APOLD1: variants seen among roughly 807,000 people sequenced by gnomAD.
The protein encoded by APOLD1 is apolipoprotein L domain-containing protein 1.
Under a neutral mutation model 15.3 loss-of-function variants are expected in APOLD1, and 22 were observed. The observed-to-expected ratio is 1.44, with a 90% CI of 1.03 to 2.05. The LOEUF (loss-of-function observed/expected upper bound fraction) is 2.05, where lower values mean the gene tolerates loss of function less well. APOLD1 is among the 30% of genes most tolerant of loss of function. The pLI, the probability that APOLD1 is intolerant of heterozygous loss-of-function variation, is 0.00. For missense variants in APOLD1, 394 were observed against 353.5 expected, an observed-to-expected ratio of 1.11 and a Z score of -0.92; for synonymous variants, 190 against 167.4, an observed-to-expected ratio of 1.13 and a Z score of -1.04.
intron 1 of APOLD1, chr12:12,771,636 T>G: frequency 2.0e-6 from 1 of 499,500 alleles, no homozygotes; most frequent in Non-Finnish European, 4.0e-6. Flanking sequence ...CTGCTTGCTA[T>G]TGTCAGAGTT....
At chr12:12,759,539 C>T (rs562521537) in intron 1 of APOLD1, among the ~76,000 whole-genome samples, 1 of 152,276 alleles carries the variant, frequency 6.6e-6, no homozygotes, top group South Asian at 2.1e-4. Context: ...TAAGGTTATG[C>T]AATAGATATC....
At chr12:12,753,664 C>T (rs1036282107) in intron 1 of APOLD1, among the ~76,000 whole-genome samples, 2 of 151,876 alleles carry the variant, frequency 1.3e-5, no homozygotes, top group African/African-American at 2.4e-5. Flanking sequence ...CAGAGTGAAA[C>T]CCTGCCTCAA....
chr12:12,779,563 C>T (rs556074537), intron 1 of APOLD1, among the ~76,000 whole-genome samples: 1 of 152,260 alleles, frequency 6.6e-6, no homozygotes, highest in South Asian at 2.1e-4. Flanking sequence ...GGTCATTCTC[C>T]TTGACTTGGT....
intron 1 of APOLD1, among the ~76,000 whole-genome samples, chr12:12,762,461 TCTC>T (rs1263848665): frequency 1.3e-5 from 2 of 151,782 alleles, no homozygotes; most frequent in Non-Finnish European, 2.9e-5. Context: ...TTCAAGCAAT[TCTC>T]CTGCCTCAGC....
At chr12:12,775,802 C>G (rs1453892106) in intron 1 of APOLD1, among the ~76,000 whole-genome samples, 1 of 151,904 alleles carries the variant, frequency 6.6e-6, no homozygotes, top group Non-Finnish European at 1.5e-5. Flanking sequence ...GAGTTCATGA[C>G]CAGCTTAGGC....
intron 1 of APOLD1, among the ~76,000 whole-genome samples, chr12:12,769,703 T>G (rs1684281681): frequency 6.6e-6 from 1 of 151,984 alleles, no homozygotes; most frequent in Admixed American, 6.6e-5. Flanking sequence ...CCTGCTGGGG[T>G]TTTATAACAG....
intron 1 of APOLD1, among the ~76,000 whole-genome samples, chr12:12,760,884 G>A (rs1946893589): frequency 6.6e-6 from 1 of 152,244 alleles, no homozygotes; most frequent in African/African-American, 2.4e-5. Flanking sequence ...GTACATAGTA[G>A]GATATACCAA....
intron 1 of APOLD1, among the ~76,000 whole-genome samples, chr12:12,748,107 G>T (rs1037663883): frequency 6.6e-6 from 1 of 152,168 alleles, no homozygotes; most frequent in Admixed American, 6.6e-5. Flanking sequence ...CTGATGCAAG[G>T]ATTCAATTAT....
intron 1 of APOLD1, among the ~76,000 whole-genome samples, chr12:12,775,812 C>A (rs975540984): frequency 5.3e-5 from 8 of 151,922 alleles, no homozygotes; most frequent in Non-Finnish European, 7.4e-5. Context: ...CCAGCTTAGG[C>A]AACATAGTGA....
At chr12:12,783,794 C>T (rs577473078), upstream of APOLD1, among the ~76,000 whole-genome samples, 5 of 151,364 alleles carry the variant, frequency 3.3e-5, no homozygotes, top group African/African-American at 9.7e-5. Flanking sequence ...TCACTATGCC[C>T]GGCCAATTTT....
intron 1 of APOLD1, among the ~76,000 whole-genome samples, chr12:12,770,537 C>T (rs1351402973): frequency 7.8e-6 from 1 of 127,986 alleles, no homozygotes; most frequent in Non-Finnish European, 1.6e-5. Context: ...AGAAACCTCC[C>T]AAACTGAAAA....
intron 1 of APOLD1, among the ~76,000 whole-genome samples, chr12:12,732,082 TACCAGTCTCTCCAAA>T (rs1374191825): frequency 6.6e-6 from 1 of 152,244 alleles, no homozygotes; most frequent in African/African-American, 2.4e-5. Context: ...TTGCTGGTGA[TACCAGTCTCTCCAAA>T]ACCATCACCT....
At chr12:12,754,268 G>A (rs1466582951) in intron 1 of APOLD1, among the ~76,000 whole-genome samples, 3 of 150,222 alleles carry the variant, frequency 2.0e-5, no homozygotes, top group African/African-American at 7.3e-5. Context: ...AATGTTTGTA[G>A]TTTTGAGAGA....
intron 1 of APOLD1, among the ~76,000 whole-genome samples, chr12:12,729,979 C>T (rs933410093): frequency 6.6e-6 from 1 of 151,658 alleles, no homozygotes; most frequent in African/African-American, 2.4e-5. Flanking sequence ...GCCTTAGCCT[C>T]CCAAGTAGCT....
intron 1 of APOLD1, among the ~76,000 whole-genome samples, chr12:12,754,820 G>A (rs1301055459): frequency 3.3e-5 from 5 of 149,866 alleles, no homozygotes; most frequent in Admixed American, 1.3e-4. Context: ...AGGGAACATC[G>A]CTTGAGGCCA....
chr12:12,750,885 C>G (rs973045586), intron 1 of APOLD1, among the ~76,000 whole-genome samples: 1 of 152,010 alleles, frequency 6.6e-6, no homozygotes, highest in Non-Finnish European at 1.5e-5. Flanking sequence ...AGCGATCCTC[C>G]CACCTCAGCC....
chr12:12,762,701 C>G (rs901977101), intron 1 of APOLD1, among the ~76,000 whole-genome samples: 1 of 152,016 alleles, frequency 6.6e-6, no homozygotes, highest in East Asian at 1.9e-4. Flanking sequence ...CTGCAGAGAC[C>G]TCTGCAGTGA....
chr12:12,745,511 T>C (rs1327955977), intron 1 of APOLD1, among the ~76,000 whole-genome samples: 5 of 151,860 alleles, frequency 3.3e-5, no homozygotes, highest in Admixed American at 3.3e-4. Context: ...GCCTATGCAA[T>C]AGAGCGAGAC....
At chr12:12,747,532 T>C (rs957363189) in intron 1 of APOLD1, among the ~76,000 whole-genome samples, 2 of 152,178 alleles carry the variant, frequency 1.3e-5, no homozygotes, top group Non-Finnish European at 2.9e-5. Flanking sequence ...GCAAGTCTAC[T>C]TTGGACCAGA....
Sources: allele counts gnomAD v4.1 joint callset (sites outside exome capture counted in the v4.1 genomes callset), GRCh38; gene constraint gnomAD v4.1.1; transcripts MANE v1.5; gene names NCBI Gene and HGNC (gene_info 2026-07-23, HGNC 2026-07-21).